PDE4D: variants seen among roughly 807,000 people sequenced by gnomAD.
PDE4D encodes phosphodiesterase 4D.
A neutral mutation model predicts 87.4 loss-of-function variants in PDE4D; 24 were observed. That is an observed-to-expected ratio of 0.27 (90% CI 0.20 to 0.39). The LOEUF (loss-of-function observed/expected upper bound fraction) is 0.39, where lower values mean the gene tolerates loss of function less well. PDE4D is among the 10% of genes least tolerant of loss of function. The probability of loss-of-function intolerance (pLI) is 1.00; values close to 1 mark genes in which losing one functional copy is unlikely to be tolerated. For synonymous variants in PDE4D, 384 were observed against 383.2 expected, an observed-to-expected ratio of 1.00 and a Z score of -0.02; for missense variants, 714 against 1,041.0, an observed-to-expected ratio of 0.69 and a Z score of 4.32.
chr5:59,227,627 A>G (rs1754102694), intron 1 of PDE4D, among the ~76,000 whole-genome samples: 1 of 152,212 alleles, frequency 6.6e-6, no homozygotes, highest in Non-Finnish European at 1.5e-5. Flanking sequence ...ACATATGGCC[A>G]ATAAGTGTAT....
At chr5:60,111,390 A>C (rs1225877570) in intron 2 of PDE4D, among the ~76,000 whole-genome samples, 1 of 152,042 alleles carries the variant, frequency 6.6e-6, no homozygotes, top group Non-Finnish European at 1.5e-5. Flanking sequence ...TACTGAGCAC[A>C]ATGATCCCCA....
chr5:59,277,825 C>G (rs1219340474), intron 1 of PDE4D, among the ~76,000 whole-genome samples: 2 of 152,146 alleles, frequency 1.3e-5, no homozygotes, highest in African/African-American at 4.8e-5. Context: ...ATGTGCTGTT[C>G]CTTGCTTACT....
chr5:59,694,484 C>T (rs750567054), intron 1 of PDE4D, among the ~76,000 whole-genome samples: 33 of 152,174 alleles, frequency 2.2e-4, no homozygotes, highest in Non-Finnish European at 2.9e-4. Context: ...TGCAAAACAA[C>T]TTACAATTAA....
At chr5:60,181,346 G>T (rs1370331697) in intron 2 of PDE4D, among the ~76,000 whole-genome samples, 5 of 152,120 alleles carry the variant, frequency 3.3e-5, no homozygotes, top group African/African-American at 1.2e-4. Flanking sequence ...ATTCTAGGGA[G>T]CCTACTGGGA....
chr5:60,023,328 C>G (rs1258686209), intron 2 of PDE4D, among the ~76,000 whole-genome samples: 1 of 152,056 alleles, frequency 6.6e-6, no homozygotes, highest in Non-Finnish European at 1.5e-5. Context: ...CATCTGGGCT[C>G]TTGTTTTCTT....
At chr5:59,985,317 A>G (rs1410014378) in intron 3 of PDE4D, among the ~76,000 whole-genome samples, 1 of 149,128 alleles carries the variant, frequency 6.7e-6, no homozygotes, top group African/African-American at 2.5e-5. Flanking sequence ...TTTTTTTTGT[A>G]TTTTTCGTAC....
At chr5:59,171,150 G>A (rs1479165590) in intron 5 of PDE4D, among the ~76,000 whole-genome samples, 2 of 152,138 alleles carry the variant, frequency 1.3e-5, no homozygotes, top group African/African-American at 4.8e-5. Flanking sequence ...CCAAACTGCT[G>A]GGATTACAGG....
At chr5:59,188,703 C>A (rs1228427863) in intron 3 of PDE4D, among the ~76,000 whole-genome samples, 2 of 152,166 alleles carry the variant, frequency 1.3e-5, no homozygotes, top group Non-Finnish European at 2.9e-5. Context: ...AGATTCATTA[C>A]TTCGGTTTTA....
At chr5:59,243,015 G>A (rs948405017) in intron 1 of PDE4D, among the ~76,000 whole-genome samples, 1 of 152,144 alleles carries the variant, frequency 6.6e-6, no homozygotes, top group Non-Finnish European at 1.5e-5. Context: ...AGAGACAGCA[G>A]GCACAGTATT....
chr5:59,311,868 C>T (rs1276096463), intron 1 of PDE4D, among the ~76,000 whole-genome samples: 2 of 152,090 alleles, frequency 1.3e-5, no homozygotes, highest in Admixed American at 1.3e-4. Context: ...TAAGGCAAAC[C>T]TCACATCCTA....
At chr5:59,588,444 A>G (rs1825499297) in intron 1 of PDE4D, among the ~76,000 whole-genome samples, 1 of 152,174 alleles carries the variant, frequency 6.6e-6, no homozygotes, top group South Asian at 2.1e-4. Flanking sequence ...CTTTTAACTT[A>G]GGTATTTAAA....
intron 2 of PDE4D, among the ~76,000 whole-genome samples, chr5:60,080,327 C>T (rs1330219588): frequency 6.6e-6 from 1 of 152,200 alleles, no homozygotes; most frequent in Admixed American, 6.5e-5. Flanking sequence ...TGTCTACAAA[C>T]AGAGACAATT....
chr5:59,875,726 G>C lies in PDE4D; in HGVS notation c.455+17442C>G, dbSNP rs114410253. ...CAATTCTTCTGAGTTCCTAAAATCT[G>C]ATATATTGAAAGAACCTGAACTTTG... On this transcript the variant is annotated intron_variant, in intron 1 of 14. Transcript: ENST00000340635. Among the ~76,000 whole-genome samples, 194 of 152,056 alleles carry C rather than the reference G, an allele frequency of 1.3e-3. 1 individual carries two copies. Among genetic ancestry groups the C allele is most frequent in the African/African-American group, 4.3e-3 (177 of 41,454 alleles).
chr5:59,863,314 C>T (rs944758648), intron 1 of PDE4D, among the ~76,000 whole-genome samples: 2 of 152,030 alleles, frequency 1.3e-5, no homozygotes. Context: ...AATCAGATAC[C>T]ATGATGGCCC....
At chr5:59,400,727 G>A (rs984005577) in intron 1 of PDE4D, among the ~76,000 whole-genome samples, 1 of 126,312 alleles carries the variant, frequency 7.9e-6, no homozygotes, top group Non-Finnish European at 1.7e-5. Flanking sequence ...AAAACTTAAA[G>A]TATAATAATA....
intron 1 of PDE4D, among the ~76,000 whole-genome samples, chr5:59,752,089 T>C (rs942300578): frequency 5.3e-5 from 8 of 152,182 alleles, no homozygotes; most frequent in Middle Eastern, 3.2e-3. Context: ...CAACTATTGT[T>C]TTATGGTTGA....
chr5:59,867,637 G>A lies in PDE4D; in HGVS notation c.455+25531C>T, dbSNP rs988386447. Among the ~76,000 whole-genome samples the A allele has an allele frequency of 3.9e-5, 6 of 152,016 alleles. No individual in the cohort carries two copies. The East Asian group carries it at 1.2e-3, about 29-fold the overall frequency. On this transcript the variant is annotated intron_variant, in intron 1 of 14. Coordinates refer to ENST00000340635, the MANE Select transcript of PDE4D (RefSeq NM_001104631.2). Reference sequence around the variant, plus strand: ...ACATGAACAAATAAGTAAAAGAATAGTCATCACTACACTGTAGGTAGTGAC... The same window carrying A: ...ACATGAACAAATAAGTAAAAGAATAATCATCACTACACTGTAGGTAGTGAC...
At chr5:60,308,354 T>C (rs996876770) in intron 1 of PDE4D, among the ~76,000 whole-genome samples, 1 of 152,190 alleles carries the variant, frequency 6.6e-6, no homozygotes, top group Non-Finnish European at 1.5e-5. Context: ...ATTTTGAAAA[T>C]TTTCCAACAT....
intron 1 of PDE4D, among the ~76,000 whole-genome samples, chr5:59,629,646 C>T (rs1831326201): frequency 6.6e-6 from 1 of 152,144 alleles, no homozygotes; most frequent in African/African-American, 2.4e-5. Flanking sequence ...ATTTCTGTTG[C>T]TTAAGGCACC....
Sources: gnomAD v4.1 joint callset for allele counts (sites outside exome capture counted in the v4.1 genomes callset) on GRCh38, gnomAD v4.1.1 for gene constraint, MANE v1.5 for transcripts, NCBI Gene and HGNC (gene_info 2026-07-23, HGNC 2026-07-21) for gene names.